Variants in TDRD1 observed in about 807,000 individuals in gnomAD.
The protein encoded by TDRD1 is tudor domain-containing protein 1.
In TDRD1, 37 loss-of-function variants were observed where a neutral mutation model predicts 140.6. The ratio of observed to expected loss-of-function variants is 0.26; its 90% CI spans 0.20 to 0.35. The LOEUF (loss-of-function observed/expected upper bound fraction) is 0.35. Ranked by LOEUF, TDRD1 falls within the 10% of genes least tolerant of loss-of-function variation. TDRD1 has a pLI of 1.00. For synonymous variants in TDRD1, 506 were observed against 475.7 expected, an observed-to-expected ratio of 1.06 and a Z score of -0.83; for missense variants, 1,243 against 1,393.0, an observed-to-expected ratio of 0.89 and a Z score of 1.71.
intron 11 of TDRD1, among the ~76,000 whole-genome samples, chr10:114,207,733 A>G (rs1347085284): frequency 6.6e-6 from 1 of 151,886 alleles, no homozygotes; most frequent in Non-Finnish European, 1.5e-5. Flanking sequence ...AATGGGAAAA[A>G]CCTTGCCAGA....
At chr10:114,175,949 T>C (rs1185176461), upstream of TDRD1, among the ~76,000 whole-genome samples, 1 of 152,148 alleles carries the variant, frequency 6.6e-6, no homozygotes, top group East Asian at 1.9e-4. Context: ...AAACTGAATG[T>C]CAATCAAATA....
At chr10:114,211,071 C>A in intron 13 of TDRD1, 104 bp downstream of exon 13, 1 of 863,558 alleles carries the variant, frequency 1.2e-6, no homozygotes, top group Non-Finnish European at 1.7e-6. Context: ...GCACTGATGG[C>A]TGGATTTAAA....
chr10:114,212,028 T>C, exon 14 of TDRD1: 1 of 1,598,072 alleles, frequency 6.3e-7, no homozygotes, highest in Non-Finnish European at 8.5e-7. Flanking sequence ...ATAAAGTGTG[T>C]ACTAGCAGGT....
At chr10:114,213,288 G>A in intron 14 of TDRD1, 58 bp from the exon 15 acceptor site, 3 of 1,525,716 alleles carry the variant, frequency 2.0e-6, no homozygotes, top group Admixed American at 1.9e-5. Context: ...GAAATTAGGA[G>A]CTAAATTTCT....
At chr10:114,206,737 C>T (rs922256384) in intron 11 of TDRD1, among the ~76,000 whole-genome samples, 2 of 151,882 alleles carry the variant, frequency 1.3e-5, no homozygotes, top group East Asian at 1.9e-4. Context: ...CCTCAGCCTC[C>T]GGAGGAGCTG....
At chr10:114,210,151 A>G (rs776704641) in intron 11 of TDRD1, among the ~76,000 whole-genome samples, 3 of 152,124 alleles carry the variant, frequency 2.0e-5, no homozygotes, top group Admixed American at 6.5e-5. Context: ...TTAAATTTCT[A>G]ATTATTTTAT....
chr10:114,220,454 A>G, intron 18 of TDRD1, 114 bp from the exon 19 acceptor site: 1 of 680,084 alleles, frequency 1.5e-6, no homozygotes, highest in South Asian at 1.8e-5. Flanking sequence ...TATTGAAGAT[A>G]CTGAGAATTG....
chr10:114,231,569 TTTTTATTTATGAGAACC>T, exon 26 of TDRD1: 1 of 1,429,582 alleles, frequency 7.0e-7, no homozygotes, highest in South Asian at 1.3e-5. Flanking sequence ...GCACCTGGTG[TTTTTATTTATGAGAACC>T]TTTTCTTTGT....
chr10:114,185,866 G>A (rs1046018699), intron 1 of TDRD1, among the ~76,000 whole-genome samples: 29 of 152,186 alleles, frequency 1.9e-4, no homozygotes, highest in African/African-American at 6.5e-4. Flanking sequence ...TTGAATTACA[G>A]GCATGAGCCA....
chr10:114,232,581 A>T (rs1029037238), downstream of TDRD1, among the ~76,000 whole-genome samples: 1 of 134,320 alleles, frequency 7.4e-6, no homozygotes, highest in African/African-American at 2.9e-5. Context: ...ATATTTCCTC[A>T]TGTAAAAAGT....
intron 25 of TDRD1, chr10:114,228,744 G>A: frequency 1.0e-6 from 1 of 985,378 alleles, no homozygotes; most frequent in South Asian, 4.7e-5. Context: ...ATCCTTTGTT[G>A]TAAGATGGTT....
intron 10 of TDRD1, among the ~76,000 whole-genome samples, chr10:114,206,027 A>G (rs1230337391): frequency 1.3e-5 from 2 of 152,188 alleles, no homozygotes; most frequent in African/African-American, 4.8e-5. Flanking sequence ...TATTTCAGAG[A>G]AAAAATTCTG....
intron 3 of TDRD1, among the ~76,000 whole-genome samples, chr10:114,196,045 A>G (rs1447501307): frequency 6.6e-6 from 1 of 152,226 alleles, no homozygotes; most frequent in Non-Finnish European, 1.5e-5. Flanking sequence ...TACATATTCT[A>G]TCTCAGATTT....
At chr10:114,182,599 C>A (rs904000955) in intron 1 of TDRD1, among the ~76,000 whole-genome samples, 1 of 152,146 alleles carries the variant, frequency 6.6e-6, no homozygotes, top group Admixed American at 6.5e-5. Context: ...TGCCAGATGT[C>A]ATTTCGGACA....
At chr10:114,218,723 C>A (rs747460613) in intron 18 of TDRD1, 139 bp downstream of exon 18, 5 of 609,420 alleles carry the variant, frequency 8.2e-6, no homozygotes, top group Non-Finnish European at 1.0e-5. Flanking sequence ...ATTTTACTTA[C>A]AATATTGACC....
At chr10:114,218,289 TGA>T in intron 17 of TDRD1, 123 bp from the exon 18 acceptor site, 1 of 608,374 alleles carries the variant, frequency 1.6e-6, no homozygotes, top group Non-Finnish European at 2.7e-6. Flanking sequence ...ATGAAAGGCG[TGA>T]TTTGGGAAAG....
At chr10:114,207,707 G>A (rs1386797849) in intron 11 of TDRD1, among the ~76,000 whole-genome samples, 1 of 151,964 alleles carries the variant, frequency 6.6e-6, no homozygotes, top group East Asian at 1.9e-4. Context: ...AGCTATAATG[G>A]GAAAGGTGGG....
At chr10:114,214,140 C>CT in intron 16 of TDRD1, 26 bp downstream of exon 16, 2 of 1,604,568 alleles carry the variant, frequency 1.2e-6, no homozygotes, top group Non-Finnish European at 1.7e-6. Flanking sequence ...TCATTTGTTT[C>CT]TTTTTACAAA....
chr10:114,191,331 G>T (rs2033950164), intron 3 of TDRD1, among the ~76,000 whole-genome samples: 1 of 152,026 alleles, frequency 6.6e-6, no homozygotes, highest in African/African-American at 2.4e-5. Context: ...CACTACAAGG[G>T]TCCCTTATAT....
Sources: gnomAD v4.1 joint callset for allele counts (sites outside exome capture counted in the v4.1 genomes callset) on GRCh38, gnomAD v4.1.1 for gene constraint, MANE v1.5 for transcripts, NCBI Gene and HGNC (gene_info 2026-07-23, HGNC 2026-07-21) for gene names.